The following TAFA2 variants were observed in gnomAD, a reference collection of about 807,000 sequenced individuals.
The protein encoded by TAFA2 is TAFA chemokine like family member 2.
TAFA2 carries 7 observed loss-of-function variants against 18.8 expected under a neutral mutation model. The ratio of observed to expected loss-of-function variants is 0.37; its 90% CI spans 0.21 to 0.70. TAFA2 has a LOEUF of 0.70. TAFA2 is among the 30% of genes least tolerant of loss of function. TAFA2 has a pLI of 0.53. For missense variants in TAFA2, 122 were observed against 158.1 expected (o/e 0.77, Z 1.23); for synonymous variants, 60 against 54.2 (o/e 1.11, Z -0.47).
intron 1 of TAFA2, among the ~76,000 whole-genome samples, chr12:62,125,990 G>A (rs570553406): frequency 5.3e-5 from 8 of 151,816 alleles, no homozygotes; most frequent in African/African-American, 9.7e-5. Context: ...AATTTTTTTC[G>A]CATATATTAG....
At chr12:62,244,237 C>CTT (rs35569192) in intron 1 of TAFA2, among the ~76,000 whole-genome samples, 14,728 of 134,170 alleles carry the variant, frequency 0.11, 874 homozygotes, top group Middle Eastern at 0.19. Context: ...TTTCTTTTGT[C>CTT]TTTTTTTTTT....
intron 1 of TAFA2, among the ~76,000 whole-genome samples, chr12:62,105,808 C>T (rs961021832): frequency 1.3e-5 from 2 of 152,106 alleles, no homozygotes; most frequent in African/African-American, 4.8e-5. Context: ...ACAAAACCAC[C>T]AGAAGTCAGA....
chr12:62,128,613 C>T (rs1439966855), intron 1 of TAFA2, among the ~76,000 whole-genome samples: 3 of 152,014 alleles, frequency 2.0e-5, no homozygotes, highest in African/African-American at 7.2e-5. Flanking sequence ...CCCCGCTCTC[C>T]CTTCCCTGTC....
chr12:62,171,857 C>A (rs1241011956), intron 1 of TAFA2, among the ~76,000 whole-genome samples: 2 of 152,180 alleles, frequency 1.3e-5, no homozygotes, highest in Non-Finnish European at 2.9e-5. Context: ...CTTTAAAGAA[C>A]TTGTTTCCTT....
chr12:61,784,967 T>G (rs564935807), intron 2 of TAFA2, among the ~76,000 whole-genome samples: 80 of 151,704 alleles, frequency 5.3e-4, no homozygotes, highest in African/African-American at 1.9e-3. Flanking sequence ...GTTGGGAATA[T>G]TCAATATCCT....
At chr12:62,153,743 G>A (rs138695759) in intron 1 of TAFA2, among the ~76,000 whole-genome samples, 59 of 152,000 alleles carry the variant, frequency 3.9e-4, no homozygotes, top group East Asian at 2.5e-3. Context: ...TATAGGATGC[G>A]GAATAAAAAG....
intron 1 of TAFA2, among the ~76,000 whole-genome samples, chr12:62,006,159 T>G (rs941514762): frequency 2.0e-5 from 3 of 152,190 alleles, no homozygotes; most frequent in Admixed American, 6.5e-5. Context: ...ATCCTAAATT[T>G]CTTTCCATTT....
chr12:62,038,904 A>G (rs1409117181), intron 1 of TAFA2, among the ~76,000 whole-genome samples: 2 of 152,164 alleles, frequency 1.3e-5, no homozygotes, highest in African/African-American at 4.8e-5. Context: ...TCAGGAAAAA[A>G]TATTAGATGA....
At chr12:61,831,875 G>T (rs1050094640) in intron 2 of TAFA2, among the ~76,000 whole-genome samples, 2 of 151,668 alleles carry the variant, frequency 1.3e-5, no homozygotes, top group Non-Finnish European at 2.9e-5. Context: ...GACAGGCCCC[G>T]GTGTGTGATG....
intron 1 of TAFA2, among the ~76,000 whole-genome samples, chr12:62,185,160 C>T (rs141930615): frequency 1.3e-5 from 2 of 152,156 alleles, no homozygotes; most frequent in Non-Finnish European, 2.9e-5. Context: ...TAAATACATA[C>T]ATATCTTAGC....
intron 1 of TAFA2, among the ~76,000 whole-genome samples, chr12:61,884,208 C>T (rs185497993): frequency 1.3e-5 from 2 of 152,258 alleles, no homozygotes; most frequent in Admixed American, 6.5e-5. Context: ...AAGCTTGAAA[C>T]GATGGCGCTG....
chr12:61,990,709 C>CA (rs1316340013), intron 1 of TAFA2, among the ~76,000 whole-genome samples: 2 of 152,260 alleles, frequency 1.3e-5, no homozygotes, highest in East Asian at 3.9e-4. Context: ...AAGAATTAAA[C>CA]AAAATTACTT....
At chr12:62,235,139 A>T in intron 1 of TAFA2, 1 of 653,766 alleles carries the variant, frequency 1.5e-6, no homozygotes, top group South Asian at 1.4e-5. Context: ...GCCCACTGAA[A>T]ATCATCATCT....
intron 1 of TAFA2, among the ~76,000 whole-genome samples, chr12:62,179,022 G>C (rs1277407527): frequency 1.3e-5 from 2 of 152,054 alleles, no homozygotes; most frequent in Non-Finnish European, 2.9e-5. Context: ...CTAACTCACA[G>C]CCATTTTACA....
intron 1 of TAFA2, among the ~76,000 whole-genome samples, chr12:61,978,678 T>G (rs1397902305): frequency 1.3e-5 from 2 of 151,966 alleles, no homozygotes; most frequent in Admixed American, 1.3e-4. Flanking sequence ...AATGTAGATT[T>G]CAGGGCCTCA....
At chr12:61,813,617 T>C (rs1871961995) in intron 2 of TAFA2, among the ~76,000 whole-genome samples, 1 of 151,434 alleles carries the variant, frequency 6.6e-6, no homozygotes, top group Non-Finnish European at 1.5e-5. Flanking sequence ...TTTTTAACAT[T>C]CCTCCTCCAA....
intron 1 of TAFA2, among the ~76,000 whole-genome samples, chr12:62,180,786 T>C (rs570392421): frequency 6.6e-6 from 1 of 151,618 alleles, no homozygotes; most frequent in South Asian, 2.1e-4. Context: ...TGGTCAATAA[T>C]GTTTCTGAAG....
chr12:62,185,182 T>G (rs1239527588), intron 1 of TAFA2, among the ~76,000 whole-genome samples: 3 of 152,222 alleles, frequency 2.0e-5, no homozygotes, highest in Non-Finnish European at 4.4e-5. Flanking sequence ...GGAAAAAAAC[T>G]GTCATATAAC....
intron 1 of TAFA2, among the ~76,000 whole-genome samples, chr12:62,112,714 A>T (rs9668015): frequency 0.23 from 34,086 of 151,378 alleles, 4,205 homozygotes; most frequent in East Asian, 0.37. Flanking sequence ...CTCATCTTCA[A>T]GCTTTATTTC....
Sources: allele counts gnomAD v4.1 joint callset (sites outside exome capture counted in the v4.1 genomes callset), GRCh38; gene constraint gnomAD v4.1.1; transcripts MANE v1.5; gene names NCBI Gene and HGNC (gene_info 2026-07-23, HGNC 2026-07-21).